Variants in LTBP1 observed in about 807,000 individuals in gnomAD.
LTBP1 encodes latent-transforming growth factor beta-binding protein 1.
A neutral mutation model predicts 207.6 loss-of-function variants in LTBP1; 129 were observed. The observed-to-expected ratio is 0.62, with a 90% CI of 0.54 to 0.72. The LOEUF (loss-of-function observed/expected upper bound fraction) is 0.72, where lower values mean the gene tolerates loss of function less well. LTBP1 is among the 30% of genes least tolerant of loss of function. The pLI, the probability that LTBP1 is intolerant of heterozygous loss-of-function variation, is 0.00. For synonymous variants in LTBP1, 963 were observed against 833.7 expected, an observed-to-expected ratio of 1.16 and a Z score of -2.67; for missense variants, 2,281 against 2,217.2, an observed-to-expected ratio of 1.03 and a Z score of -0.58.
intron 2 of LTBP1, among the ~76,000 whole-genome samples, chr2:32,997,184 CTGG>C (rs1685423281): frequency 1.4e-4 from 22 of 152,090 alleles, no homozygotes; most frequent in Non-Finnish European, 2.9e-5. Context: ...TGCACCCGGC[CTGG>C]ATGGAACTTA....
chr2:33,081,949 C>T (rs1403674399), intron 3 of LTBP1, among the ~76,000 whole-genome samples: 1 of 152,160 alleles, frequency 6.6e-6, no homozygotes, highest in Non-Finnish European at 1.5e-5. Context: ...TTCCTGAGGC[C>T]TCCCCAGCCA....
intron 2 of LTBP1, among the ~76,000 whole-genome samples, chr2:32,966,700 A>G (rs1218918905): frequency 1.3e-5 from 2 of 152,070 alleles, no homozygotes; most frequent in African/African-American, 4.8e-5. Flanking sequence ...TGAATGTTAG[A>G]CCAAACTTGC....
chr2:33,128,890 A>C (rs1398278346), intron 4 of LTBP1, among the ~76,000 whole-genome samples: 1 of 152,206 alleles, frequency 6.6e-6, no homozygotes, highest in Non-Finnish European at 1.5e-5. Flanking sequence ...CAGCATTTCA[A>C]ATACTACTAT....
Position 33,108,895 on chromosome 2 carries a change from C to T in LTBP1, c.864-1687C>T, listed in dbSNP as rs12611827. Among the ~76,000 whole-genome samples, 535 of 152,344 alleles carry T rather than the reference C, an allele frequency of 3.5e-3. 22 individuals are homozygous for T. In the East Asian group the frequency reaches 0.09, roughly 26 times the overall value. ...CCAAACACACTTAATGTCAAAACAA[C>T]ACTTACATCATCAAAACAAAAGTGT... On this transcript the variant is annotated intron_variant, in intron 3 of 33. Coordinates refer to ENST00000404816, the MANE Select transcript of LTBP1 (RefSeq NM_206943.4).
In LTBP1 at chr2:33,134,025, A is replaced by G. The variant is rs540488613; in HGVS notation, c.1034-768A>G. On this transcript the variant is annotated intron_variant, in intron 4 of 33. Transcript: ENST00000404816. The surrounding 1 kb of genome is among the most constrained non-coding windows in gnomAD (Gnocchi z 4.4). ...AAAGAAAGCTCCATCCCCAGTGGCT[A>G]CTCCAGGTGGTCTATGAATAGAGAC... Among the ~76,000 whole-genome samples the G allele has an allele frequency of 1.2e-3, 176 of 152,134 alleles. No individual in the cohort carries two copies. The highest frequency in any genetic ancestry group is 2.1e-3 in the Non-Finnish European group (145 of 67,994).
intron 3 of LTBP1, among the ~76,000 whole-genome samples, chr2:33,030,653 T>A (rs569352971): frequency 6.6e-6 from 1 of 152,376 alleles, no homozygotes; most frequent in South Asian, 2.1e-4. Context: ...GTTGCCGTGC[T>A]GCTTTGTATT....
chr2:33,107,829 A>G (rs1019919713), intron 3 of LTBP1, among the ~76,000 whole-genome samples: 5 of 151,224 alleles, frequency 3.3e-5, no homozygotes, highest in Non-Finnish European at 7.4e-5. Flanking sequence ...TTTCTCTTCA[A>G]AAGTTTAGTC....
chr2:33,280,174 T>A lies in LTBP1; in HGVS notation c.3112+16T>A. On this transcript the variant is annotated intron_variant, in intron 19 of 33. Coordinates refer to ENST00000404816, the MANE Select transcript of LTBP1 (RefSeq NM_206943.4). ...CAGTGCCTTGGTAGGTACTATAGTGTACTTATCAAAGATTTGTTTCTTCTG... is the reference window on the plus strand; with the variant it reads ...CAGTGCCTTGGTAGGTACTATAGTGAACTTATCAAAGATTTGTTTCTTCTG... The A allele has an allele frequency of 6.3e-7, 1 of 1,595,556 alleles. No individual in the cohort carries two copies. The highest frequency in any genetic ancestry group is 8.5e-7 in the Non-Finnish European group (1 of 1,172,580).
Position 33,363,496 on chromosome 2 carries a change from T to G in LTBP1, c.4377T>G (p.Asp1459Glu), listed in dbSNP as rs1173932079. 8.1e-6 allele frequency: 13 copies of G among 1,613,770 alleles called. No homozygotes were observed. Among genetic ancestry groups the G allele is most frequent in the Non-Finnish European group, 5.9e-6 (7 of 1,179,816 alleles). Residue 1459 changes from aspartate to glutamate, a missense_variant, in exon 29 of 34, where the codon GAT (aspartate) becomes GAG (glutamate). By Grantham distance (45) the Asp-to-Glu change is conservative. Coordinates refer to ENST00000404816, the MANE Select transcript of LTBP1 (RefSeq NM_206943.4). ...ACTGTAAGCAAGGGACGTACTATGA[T>G]CCTGTGAAACTGCAGTGCTTTGGTA... ...ECYCKQGTYY[D>E]PVKLQCFDMD...
At chr2:33,154,393 T>C (rs1275233942) in intron 5 of LTBP1, among the ~76,000 whole-genome samples, 1 of 152,236 alleles carries the variant, frequency 6.6e-6, no homozygotes, top group Admixed American at 6.5e-5. Context: ...CTCTTTCCCA[T>C]TTCTGTCTTC....
chr2:33,318,621 G>T (rs191489956), intron 24 of LTBP1, among the ~76,000 whole-genome samples: 1 of 152,216 alleles, frequency 6.6e-6, no homozygotes, highest in Admixed American at 6.5e-5. Context: ...TCAGGAAATT[G>T]CAGGGGAACA....
At chr2:33,069,085 T>C (rs2077654694) in intron 3 of LTBP1, among the ~76,000 whole-genome samples, 1 of 152,210 alleles carries the variant, frequency 6.6e-6, no homozygotes, top group South Asian at 2.1e-4. Flanking sequence ...TAAGCTTACT[T>C]AAAGTTTACT....
intron 3 of LTBP1, among the ~76,000 whole-genome samples, chr2:33,069,166 G>A (rs1436389586): frequency 2.0e-5 from 3 of 152,096 alleles, no homozygotes; most frequent in Non-Finnish European, 4.4e-5. Context: ...ATTCCTCTCT[G>A]TGTACTTGTT....
chr2:33,387,772 T>C (rs907250961), intron 31 of LTBP1, among the ~76,000 whole-genome samples: 1 of 146,976 alleles, frequency 6.8e-6, no homozygotes, highest in Non-Finnish European at 1.5e-5. Flanking sequence ...ATAAACACAA[T>C]AGGGGAAAAT....
chr2:33,345,698 G>A (rs544724542), intron 25 of LTBP1, among the ~76,000 whole-genome samples: 1 of 152,184 alleles, frequency 6.6e-6, no homozygotes, highest in African/African-American at 2.4e-5. Context: ...AATAAGTCAA[G>A]ATGTATAAGC....
chr2:33,035,784 A>G (rs17012475), intron 3 of LTBP1, among the ~76,000 whole-genome samples: 12,028 of 152,198 alleles, frequency 0.079, 916 homozygotes, highest in East Asian at 0.32. Context: ...TCTTTTTAGA[A>G]AAGAGATCGT....
rs34894265 is a variant in LTBP1, at chr2:33,200,784, AAAAC to A, written c.1701+11940_1701+11943del. On this transcript the variant is annotated intron_variant, in intron 7 of 33. Coordinates refer to ENST00000404816, the MANE Select transcript of LTBP1 (RefSeq NM_206943.4). ...TGAACTCAAACAAATTTACAAGAAAAAAACAAACAACCCCATCAAAAAGTGGGCG... is the reference window on the plus strand; with the variant it reads ...TGAACTCAAACAAATTTACAAGAAAAAAACAACCCCATCAAAAAGTGGGCG... Among the ~76,000 whole-genome samples the A allele has an allele frequency of 9.1e-3, 1,385 of 152,272 alleles. 20 individuals are homozygous for A. The highest frequency in any genetic ancestry group is 0.032 in the African/African-American group (1,313 of 41,522).
chr2:33,009,835 A>G lies in LTBP1; in HGVS notation c.566-11074A>G, dbSNP rs1218387102. On this transcript the variant is annotated intron_variant, in intron 2 of 33. Transcript: ENST00000404816. ...GGGGTGGATGGAGGGGACAGAAGAC[A>G]TGCTAAGTTTGAGAAGCCTGTTAGA... Among the ~76,000 whole-genome samples the G allele has an allele frequency of 2.0e-5, 3 of 152,210 alleles. No homozygotes were observed. In the East Asian group the frequency reaches 5.8e-4, roughly 29 times the overall value.
intron 2 of LTBP1, among the ~76,000 whole-genome samples, chr2:32,965,546 TC>T (rs982514332): frequency 2.6e-5 from 4 of 152,224 alleles, no homozygotes; most frequent in Non-Finnish European, 5.9e-5. Context: ...TTTTGCCTCT[TC>T]CAGAATGACA....
Sources: allele counts gnomAD v4.1 joint callset (sites outside exome capture counted in the v4.1 genomes callset), GRCh38; gene constraint gnomAD v4.1.1; non-coding constraint Gnocchi (gnomAD v3.1); transcripts MANE v1.5; gene names NCBI Gene and HGNC (gene_info 2026-07-23, HGNC 2026-07-21).